CXADR: variants seen among roughly 807,000 people sequenced by gnomAD.
The protein encoded by CXADR is coxsackievirus and adenovirus receptor.
In CXADR, 20 loss-of-function variants were observed where a neutral mutation model predicts 40.3. That is an observed-to-expected ratio of 0.50 (90% CI 0.35 to 0.72). The LOEUF (loss-of-function observed/expected upper bound fraction) is 0.72. Ranked by LOEUF, CXADR falls within the 30% of genes least tolerant of loss-of-function variation. CXADR has a pLI of 0.01. For missense variants in CXADR, 332 were observed against 449.1 expected (o/e 0.74, Z 2.36); for synonymous variants, 150 against 161.3 (o/e 0.93, Z 0.53).
At chr21:17,546,951 C>T in intron 1 of CXADR, 76 bp from the exon 2 acceptor site, 3 of 1,550,122 alleles carry the variant, frequency 1.9e-6, no homozygotes, top group Non-Finnish European at 2.6e-6. Context: ...TGTGCTGCTT[C>T]TGAATGGCTG....
chr21:17,589,318 C>T (rs997547406), intron 7 of CXADR, among the ~76,000 whole-genome samples: 3 of 152,154 alleles, frequency 2.0e-5, no homozygotes, highest in Admixed American at 1.3e-4. Context: ...GTCCACAAAA[C>T]ATACAATTTG....
In CXADR at chr21:17,566,683, G is replaced by A. The variant is rs2061212875; in HGVS notation, c.*991G>A. ...CTTTATGTTGTTGTTGTTTTTGGAT[G>A]GTGTTACATATTATATGTTCTAGAA... On this transcript the variant is annotated 3_prime_UTR_variant, in exon 7 of 7. Transcript: ENST00000284878. 2 of 983,054 alleles carry A rather than the reference G, an allele frequency of 2.0e-6. No homozygotes were observed. Among genetic ancestry groups the A allele is most frequent in the Admixed American group, 1.2e-4 (2 of 16,234 alleles). 60.9% of individuals were successfully genotyped at this position (983,054 alleles called of 1,614,324 possible).
At chr21:17,606,484 A>G in the CXADR span, among the ~76,000 whole-genome samples, 1 of 152,174 alleles carries the variant, frequency 6.6e-6, no homozygotes, top group Admixed American at 6.5e-5. Context: ...CTAATATTGT[A>G]TAGGGTAATT....
chr21:17,625,139 C>T, the CXADR span, among the ~76,000 whole-genome samples: 1 of 151,964 alleles, frequency 6.6e-6, no homozygotes, highest in Non-Finnish European at 1.5e-5. Context: ...TGTTGAATCA[C>T]CAAAAAAGCC....
chr21:17,513,733 T>C (rs2060422966), intron 1 of CXADR, among the ~76,000 whole-genome samples: 1 of 152,196 alleles, frequency 6.6e-6, no homozygotes, highest in Non-Finnish European at 1.5e-5. Context: ...GGTGTTAGTC[T>C]CCTGGAAGCA....
rs150969677 is a variant in CXADR at position 17,534,941 on chromosome 21, C to T, written c.44-12086C>T. ...CTGGGATTACAGGCACATGCCACCA[C>T]GCCAAGCTAATTTTTGTGTTTTTAG... is the stretch of plus-strand genomic sequence containing the variant. On this transcript the variant is annotated intron_variant, in intron 1 of 6. Transcript: ENST00000284878. 5.4e-3 allele frequency among the ~76,000 whole-genome samples: 825 copies of T among 151,984 alleles called. 28 individuals are homozygous for T. Among genetic ancestry groups the T allele is most frequent in the East Asian group, 0.015 (76 of 5,148 alleles).
the CXADR span, among the ~76,000 whole-genome samples, chr21:17,614,370 C>G: frequency 1.3e-5 from 2 of 152,106 alleles, no homozygotes; most frequent in East Asian, 3.9e-4. Flanking sequence ...AATCTGTGGT[C>G]CACATTTTCC....
chr21:17,531,347 C>T (rs146903280), intron 1 of CXADR, among the ~76,000 whole-genome samples: 247 of 151,666 alleles, frequency 1.6e-3, no homozygotes, highest in Non-Finnish European at 2.9e-3. Flanking sequence ...GTTCCAGTTG[C>T]GCTACATCCT....
chr21:17,604,578 T>C, the CXADR span, among the ~76,000 whole-genome samples: 1 of 152,222 alleles, frequency 6.6e-6, no homozygotes, highest in Non-Finnish European at 1.5e-5. Context: ...AATAGACACC[T>C]AGCGGAATCT....
chr21:17,574,015 T>A (rs1391097729), downstream of CXADR, among the ~76,000 whole-genome samples: 1 of 152,266 alleles, frequency 6.6e-6, no homozygotes, highest in Non-Finnish European at 1.5e-5. Flanking sequence ...CATTTCACAC[T>A]TGATCTTAGC....
downstream of CXADR, chr21:17,594,403 A>G (rs2123420824): frequency 6.8e-7 from 1 of 1,468,116 alleles, no homozygotes. Flanking sequence ...ATTTCTCATT[A>G]AAGACAAACA....
At chr21:17,543,068 G>A (rs1172387612) in intron 1 of CXADR, 1 of 338,676 alleles carries the variant, frequency 3.0e-6, no homozygotes. Flanking sequence ...ACCATTTTTT[G>A]AAAGAAAAAC....
rs35021229 is a variant in CXADR at position 17,569,366 on chromosome 21, T to TTA, written c.*3686_*3687dup. 22,655 of 974,210 alleles carry TTA rather than the reference T, an allele frequency of 0.023. 294 individuals carry two copies. The highest frequency in any genetic ancestry group is 0.16 in the East Asian group (1,385 of 8,732). The allele number at this position is 974,210 out of a possible 1,614,324, so 60.3% of individuals were successfully genotyped here. ...TCTTAGTGGCTTGTGACATTATATA[T>TTA]TATATATATATATGTACATATATCT... On this transcript the variant is annotated 3_prime_UTR_variant, in exon 7 of 7. Transcript: ENST00000284878.
At position 17,568,772 on chromosome 21, in the gene CXADR, A is replaced by G. The variant is rs1232282234; in HGVS notation, c.*3080A>G. 1.0e-6 allele frequency: 1 copy of G among 985,172 alleles called. No homozygotes were observed. The highest frequency in any genetic ancestry group is 1.1e-4 in the East Asian group (1 of 8,788). The allele number at this position is 985,172 out of a possible 1,614,324, so 61.0% of individuals were successfully genotyped here. On this transcript the variant is annotated 3_prime_UTR_variant, in exon 7 of 7. Transcript: ENST00000284878. ...TCTTAACTAATATGATTCCCTTGTT[A>G]GAGAGCCTCTCACTCCCCCACCCCC...
intron 1 of CXADR, among the ~76,000 whole-genome samples, chr21:17,521,121 A>G (rs1158808176): frequency 6.6e-6 from 1 of 152,092 alleles, no homozygotes; most frequent in Non-Finnish European, 1.5e-5. Flanking sequence ...GGAAACATGA[A>G]CTTCTAATAA....
At chr21:17,618,084 G>A in the CXADR span, among the ~76,000 whole-genome samples, 3 of 152,148 alleles carry the variant, frequency 2.0e-5, no homozygotes, top group Non-Finnish European at 1.5e-5. Context: ...AGGCACCGTG[G>A]CTCACACCTG....
chr21:17,560,966 G>A, intron 5 of CXADR, 142 bp downstream of exon 5: 1 of 1,321,214 alleles, frequency 7.6e-7, no homozygotes, highest in African/African-American at 1.5e-5. Context: ...AGCTTTTCTA[G>A]AAAAATACAT....
At chr21:17,577,260 C>A (rs2061328512) in intron 7 of CXADR, among the ~76,000 whole-genome samples, 1 of 152,084 alleles carries the variant, frequency 6.6e-6, no homozygotes, top group African/African-American at 2.4e-5. Context: ...TCCTATTTCA[C>A]TTCTGGCATA....
chr21:17,530,551 C>T lies in CXADR; in HGVS notation c.44-16476C>T, dbSNP rs185236454. The T allele has an allele frequency of 4.5e-4, 160 of 352,686 alleles. 1 individual carries two copies. In the East Asian group the frequency reaches 0.014, roughly 32 times the overall value. 21.8% of individuals were successfully genotyped at this position (352,686 alleles called of 1,614,324 possible). ...TGTGAAGGCCGGGCGTGGTGGCTCA[C>T]GCCTGTAATCCCAGCACTTCGAGAG... On this transcript the variant is annotated intron_variant, in intron 1 of 6. Coordinates refer to ENST00000284878, the MANE Select transcript of CXADR (RefSeq NM_001338.5).
Sources: gnomAD v4.1 joint callset for allele counts (sites outside exome capture counted in the v4.1 genomes callset) on GRCh38, gnomAD v4.1.1 for gene constraint, MANE v1.5 for transcripts, NCBI Gene and HGNC (gene_info 2026-07-23, HGNC 2026-07-21) for gene names.